The following PIK3R3 variants were observed in gnomAD, a reference collection of about 807,000 sequenced individuals.
PIK3R3 encodes the protein phosphoinositide-3-kinase regulatory subunit 3.
In PIK3R3, 64 loss-of-function variants were observed where a neutral mutation model predicts 62.9. The ratio of observed to expected loss-of-function variants is 1.02; its 90% CI spans 0.83 to 1.25. PIK3R3 has a LOEUF of 1.25. PIK3R3 is among the 50% of genes most tolerant of loss of function. PIK3R3 has a pLI of 0.00. For synonymous variants in PIK3R3, 165 were observed against 189.0 expected (o/e 0.87, Z 1.04); for missense variants, 614 against 561.6 (o/e 1.09, Z -0.94).
At chr1:46,131,730 C>A (rs749157909) in intron 1 of PIK3R3, 117 bp downstream of exon 1, 1 of 821,680 alleles carries the variant, frequency 1.2e-6, no homozygotes, top group South Asian at 1.3e-5. Context: ...AACTGCAAAT[C>A]TCCTCATCCC....
Position 46,062,080 on chromosome 1 carries a change from G to C in PIK3R3, c.622-9C>G, listed in dbSNP as rs1377231490. On this transcript the variant is annotated splice_polypyrimidine_tract_variant and intron_variant, in intron 5 of 9. Transcript: ENST00000262741. ...CTCTTCATCTGTATTTCCTACAGGA[G>C]AGAAAAAGAAAAAACACAGGCTTCA... The C allele has an allele frequency of 6.3e-7, 1 of 1,577,614 alleles. No individual in the cohort carries two copies. The highest frequency in any genetic ancestry group is 8.5e-7 in the Non-Finnish European group (1 of 1,169,860).
the PIK3R3 span, among the ~76,000 whole-genome samples, chr1:46,173,607 C>T: frequency 2.6e-5 from 4 of 152,152 alleles, no homozygotes; most frequent in Non-Finnish European, 4.4e-5. Context: ...CCCGCTCATC[C>T]GGGAGCCACC....
At chr1:46,144,223 AGCCGGT>A in the PIK3R3 span, among the ~76,000 whole-genome samples, 1 of 152,210 alleles carries the variant, frequency 6.6e-6, no homozygotes, top group African/African-American at 2.4e-5. Context: ...TTGCAAAGGA[AGCCGGT>A]CTTCAGAAAG....
At chr1:46,123,801 A>T (rs1433136841) in intron 1 of PIK3R3, among the ~76,000 whole-genome samples, 1 of 152,218 alleles carries the variant, frequency 6.6e-6, no homozygotes, top group African/African-American at 2.4e-5. Flanking sequence ...AATACATATA[A>T]AAGCATTTAA....
chr1:46,165,551 C>T, the PIK3R3 span, among the ~76,000 whole-genome samples: 75 of 151,690 alleles, frequency 4.9e-4, no homozygotes, highest in Non-Finnish European at 8.5e-4. Context: ...GATGATCCGC[C>T]GTTCTCAGCC....
chr1:46,130,588 C>T (rs890296858), intron 1 of PIK3R3, among the ~76,000 whole-genome samples: 2 of 152,046 alleles, frequency 1.3e-5, no homozygotes, highest in Non-Finnish European at 2.9e-5. Context: ...GATAATTCAC[C>T]GTTTGCAAGG....
In PIK3R3 at chr1:46,087,222, A is replaced by G. The variant is rs184279598; in HGVS notation, c.107-6472T>C. Among the ~76,000 whole-genome samples, 124 of 152,310 alleles carry G rather than the reference A, an allele frequency of 8.1e-4. 1 individual carries two copies. The highest frequency in any genetic ancestry group is 2.8e-3 in the African/African-American group (117 of 41,564). On this transcript the variant is annotated intron_variant, in intron 1 of 9. Coordinates refer to ENST00000262741, the MANE Select transcript of PIK3R3 (RefSeq NM_003629.4). ...ATGGCACATGTATACATATGTAACAAAACTGCACGTTGTGCACATGTACTC... is the reference window on the plus strand; with the variant it reads ...ATGGCACATGTATACATATGTAACAGAACTGCACGTTGTGCACATGTACTC...
At chr1:46,128,683 A>G (rs1655301538) in intron 1 of PIK3R3, among the ~76,000 whole-genome samples, 1 of 152,230 alleles carries the variant, frequency 6.6e-6, no homozygotes, top group Non-Finnish European at 1.5e-5. Context: ...TGGGCAAGCT[A>G]AGCAGCTCAT....
At chr1:46,110,582 T>C (rs1653653278) in intron 1 of PIK3R3, among the ~76,000 whole-genome samples, 1 of 152,144 alleles carries the variant, frequency 6.6e-6, no homozygotes. Flanking sequence ...GTTTAGTGAT[T>C]ATAGTTTAGT....
chr1:46,165,650 A>G, the PIK3R3 span, among the ~76,000 whole-genome samples: 4 of 150,738 alleles, frequency 2.7e-5, no homozygotes, highest in Non-Finnish European at 5.9e-5. Context: ...GGCTTGGAGA[A>G]GTTGAAGCAA....
At chr1:46,119,852 A>G (rs982677920) in intron 1 of PIK3R3, among the ~76,000 whole-genome samples, 1 of 148,986 alleles carries the variant, frequency 6.7e-6, no homozygotes, top group African/African-American at 2.5e-5. Context: ...ATCACAGCTC[A>G]GCGCAGCCTC....
chr1:46,114,816 T>C (rs1266595368), intron 1 of PIK3R3, among the ~76,000 whole-genome samples: 1 of 142,964 alleles, frequency 7.0e-6, no homozygotes, highest in Non-Finnish European at 1.5e-5. Flanking sequence ...AGTTTCACCA[T>C]GTTGCCCAGG....
At chr1:46,103,910 TA>T (rs1459840943) in intron 1 of PIK3R3, among the ~76,000 whole-genome samples, 2 of 150,920 alleles carry the variant, frequency 1.3e-5, no homozygotes, top group African/African-American at 4.9e-5. Flanking sequence ...GTATATTTTA[TA>T]TTATGTGAAG....
the PIK3R3 span, among the ~76,000 whole-genome samples, chr1:46,169,215 T>C: frequency 6.6e-6 from 1 of 152,098 alleles, no homozygotes; most frequent in African/African-American, 2.4e-5. Flanking sequence ...TAGTTGAGAT[T>C]CCAGTTCTGT....
chr1:46,138,626 C>T, the PIK3R3 span, among the ~76,000 whole-genome samples: 1 of 152,346 alleles, frequency 6.6e-6, no homozygotes, highest in South Asian at 2.1e-4. Flanking sequence ...TGCCACTGCT[C>T]CCAGCCTGGG....
intron 1 of PIK3R3, among the ~76,000 whole-genome samples, chr1:46,103,098 A>T (rs1349824589): frequency 5.9e-5 from 9 of 152,204 alleles, no homozygotes; most frequent in African/African-American, 2.2e-4. Context: ...ACTTACTTAT[A>T]CGAGGTAACT....
At chr1:46,168,399 G>T in the PIK3R3 span, among the ~76,000 whole-genome samples, 2 of 152,118 alleles carry the variant, frequency 1.3e-5, no homozygotes, top group African/African-American at 4.8e-5. Flanking sequence ...GGGGAGTGTT[G>T]GGGACAGCAG....
intron 1 of PIK3R3, among the ~76,000 whole-genome samples, chr1:46,086,690 ACTGT>A (rs777403485): frequency 5.9e-5 from 9 of 152,080 alleles, no homozygotes; most frequent in Non-Finnish European, 8.8e-5. Flanking sequence ...ACAAAGTGAG[ACTGT>A]CTAAGAAAAA....
chr1:46,095,848 GTAAA>G lies in PIK3R3; in HGVS notation c.107-15102_107-15099del, dbSNP rs1652073547. Among the ~76,000 whole-genome samples the G allele has an allele frequency of 8.5e-5, 13 of 152,220 alleles. No homozygotes were observed. The South Asian group carries it at 2.5e-3, about 29-fold the overall frequency. Reference sequence around the variant, plus strand: ...CACCCACTCATATGATATAATTTGGGTAAATAGTTTCTTCAGTTAAAAGTTAATT... The same window carrying G: ...CACCCACTCATATGATATAATTTGGGTAGTTTCTTCAGTTAAAAGTTAATT... On this transcript the variant is annotated intron_variant, in intron 1 of 9. Coordinates refer to ENST00000262741, the MANE Select transcript of PIK3R3 (RefSeq NM_003629.4).
Sources: allele counts gnomAD v4.1 joint callset (sites outside exome capture counted in the v4.1 genomes callset), GRCh38; gene constraint gnomAD v4.1.1; transcripts MANE v1.5; gene names NCBI Gene and HGNC (gene_info 2026-07-23, HGNC 2026-07-21).